The following THSD4 variants were observed in gnomAD, a reference collection of about 807,000 sequenced individuals.
The protein encoded by THSD4 is thrombospondin type-1 domain-containing protein 4.
THSD4 carries 69 observed loss-of-function variants against 119.0 expected under a neutral mutation model. The ratio of observed to expected loss-of-function variants is 0.58; its 90% confidence interval spans 0.48 to 0.71. THSD4 has a LOEUF of 0.71. Ranked by LOEUF, THSD4 falls within the 30% of genes least tolerant of loss-of-function variation. The pLI is 0.00. For synonymous variants in THSD4, 524 were observed against 540.4 expected (o/e 0.97, Z 0.42); for missense variants, 1,393 against 1,391.1 (o/e 1.00, Z -0.02).
intron 7 of THSD4, among the ~76,000 whole-genome samples, chr15:71,431,477 A>G (rs1014366856): frequency 1.3e-5 from 2 of 152,212 alleles, no homozygotes; most frequent in Non-Finnish European, 2.9e-5. Context: ...TTTACTGTGG[A>G]CAACAAGACT....
chr15:71,564,110 T>G (rs2049178117), intron 7 of THSD4, among the ~76,000 whole-genome samples: 1 of 152,196 alleles, frequency 6.6e-6, no homozygotes, highest in Non-Finnish European at 1.5e-5. Context: ...ATTGGACAAA[T>G]GTATTGTCAG....
intron 6 of THSD4, among the ~76,000 whole-genome samples, chr15:71,360,522 C>G (rs536123124): frequency 6.6e-6 from 1 of 152,308 alleles, no homozygotes; most frequent in African/African-American, 2.4e-5. Flanking sequence ...AAAAATCCCT[C>G]TTAGCCATTC....
At chr15:71,674,333 T>C (rs2051595601) in intron 8 of THSD4, among the ~76,000 whole-genome samples, 1 of 152,230 alleles carries the variant, frequency 6.6e-6, no homozygotes, top group Admixed American at 6.5e-5. Flanking sequence ...ACAAGTTCCT[T>C]AACTTTTCTG....
chr15:71,358,848 G>A (rs1192754688), intron 6 of THSD4, among the ~76,000 whole-genome samples: 1 of 152,050 alleles, frequency 6.6e-6, no homozygotes, highest in Non-Finnish European at 1.5e-5. Flanking sequence ...TACTAATGGG[G>A]GTTGCCAAGA....
intron 8 of THSD4, among the ~76,000 whole-genome samples, chr15:71,665,423 A>G (rs550979550): frequency 1.1e-3 from 175 of 152,232 alleles, no homozygotes; most frequent in Admixed American, 2.4e-3. Flanking sequence ...ATAGTTTGCA[A>G]ATATTTTCTC....
intron 6 of THSD4, among the ~76,000 whole-genome samples, chr15:71,356,267 T>C (rs1174640599): frequency 6.6e-6 from 1 of 152,190 alleles, no homozygotes; most frequent in African/African-American, 2.4e-5. Context: ...CTGCACACGG[T>C]TGCTTCTGGG....
intron 11 of THSD4, among the ~76,000 whole-genome samples, chr15:71,739,196 C>A (rs140853172): frequency 0.01 from 1,572 of 152,142 alleles, 36 homozygotes; most frequent in African/African-American, 0.035. Context: ...GGTAAAATCC[C>A]AACCCTGTAT....
At chr15:71,304,360 A>G (rs2044994145) in intron 6 of THSD4, among the ~76,000 whole-genome samples, 1 of 151,832 alleles carries the variant, frequency 6.6e-6, no homozygotes, top group South Asian at 2.1e-4. Flanking sequence ...ACACTGTTCA[A>G]ACTGTTTAGT....
chr15:71,238,181 T>G (rs923289742), intron 4 of THSD4, among the ~76,000 whole-genome samples: 2 of 152,204 alleles, frequency 1.3e-5, no homozygotes, highest in Admixed American at 1.3e-4. Flanking sequence ...AATAAAGGTT[T>G]GTTAAATATT....
At position 71,746,828 on chromosome 15, in the gene THSD4, C is replaced by T. The variant is rs2053347702; in HGVS notation, c.2037-10C>T. On this transcript the variant is annotated splice_polypyrimidine_tract_variant and intron_variant, in intron 12 of 17. Coordinates refer to ENST00000261862, the MANE Select transcript of THSD4 (RefSeq NM_024817.3). The stretch of plus-strand genomic sequence containing the variant: ...TGTCTCTCACTCTCGCTCTCTCATT[C>T]CTGAACCAGCTGGGACATCGGGGAG... 1.2e-6 allele frequency: 2 copies of T among 1,613,166 alleles called. No individual in the cohort carries two copies. Among genetic ancestry groups the T allele is most frequent in the Non-Finnish European group, 1.7e-6 (2 of 1,179,870 alleles).
At chr15:71,610,987 G>C (rs543775269) in intron 7 of THSD4, among the ~76,000 whole-genome samples, 3 of 152,312 alleles carry the variant, frequency 2.0e-5, no homozygotes, top group East Asian at 3.9e-4. Flanking sequence ...AAGGACTGGG[G>C]TATGGAAAAG....
intron 6 of THSD4, among the ~76,000 whole-genome samples, chr15:71,304,131 G>A (rs1197917736): frequency 6.6e-6 from 1 of 152,202 alleles, no homozygotes; most frequent in Non-Finnish European, 1.5e-5. Context: ...GATACCACCA[G>A]GAGGTGAGCT....
chr15:71,306,074 G>C (rs1263572016), intron 6 of THSD4, among the ~76,000 whole-genome samples: 1 of 152,132 alleles, frequency 6.6e-6, no homozygotes. Flanking sequence ...TTGTGAGGCT[G>C]AGGTGGGCAG....
intron 1 of THSD4, among the ~76,000 whole-genome samples, chr15:71,102,659 G>C (rs1313618779): frequency 6.6e-6 from 1 of 152,094 alleles, no homozygotes; most frequent in Admixed American, 6.5e-5. Flanking sequence ...CCACCTCCCG[G>C]ATTTAAGAGA....
At chr15:71,749,615 T>G (rs1211734207) in intron 14 of THSD4, among the ~76,000 whole-genome samples, 2 of 152,088 alleles carry the variant, frequency 1.3e-5, no homozygotes, top group African/African-American at 2.4e-5. Flanking sequence ...AAAGTGTAGG[T>G]CTGAGGCAGC....
chr15:71,748,316 C>T (rs1401848712), intron 13 of THSD4, 105 bp from the exon 14 acceptor site: 6 of 1,395,996 alleles, frequency 4.3e-6, no homozygotes, highest in Non-Finnish European at 3.9e-6. Flanking sequence ...ATGACAGAGC[C>T]TCAGTCTCAT....
chr15:71,572,912 G>C (rs1216972779), intron 7 of THSD4, among the ~76,000 whole-genome samples: 1 of 152,086 alleles, frequency 6.6e-6, no homozygotes, highest in Non-Finnish European at 1.5e-5. Flanking sequence ...TCTTTGTTCT[G>C]GCCTGAGTTT....
At chr15:71,151,465 A>G (rs901713106) in intron 2 of THSD4, among the ~76,000 whole-genome samples, 1 of 151,902 alleles carries the variant, frequency 6.6e-6, no homozygotes, top group African/African-American at 2.4e-5. Context: ...AATGATTCAC[A>G]TTTTTAGGCC....
chr15:71,117,314 G>C (rs748337946), intron 1 of THSD4, among the ~76,000 whole-genome samples: 3 of 152,168 alleles, frequency 2.0e-5, no homozygotes, highest in Non-Finnish European at 4.4e-5. Context: ...GGAAGATCAG[G>C]GGTGGGGAGA....
Sources: allele counts gnomAD v4.1 joint callset (sites outside exome capture counted in the v4.1 genomes callset), GRCh38; gene constraint gnomAD v4.1.1; transcripts MANE v1.5; gene names NCBI Gene and HGNC (gene_info 2026-07-23, HGNC 2026-07-21).